Variants in PXDNL observed in about 807,000 individuals in gnomAD.
PXDNL encodes the protein peroxidasin like.
In PXDNL, 145 loss-of-function variants were observed where a neutral mutation model predicts 150.8. The ratio of observed to expected loss-of-function variants is 0.96; its 90% CI spans 0.84 to 1.10. PXDNL has a LOEUF of 1.10. PXDNL is among the 50% of genes least tolerant of loss of function. PXDNL has a pLI of 0.00. For missense variants in PXDNL, 2,087 were observed against 1,873.9 expected (o/e 1.11, Z -2.10); for synonymous variants, 757 against 725.7 (o/e 1.04, Z -0.69).
chr8:51,626,463 G>A (rs183330064), intron 2 of PXDNL, among the ~76,000 whole-genome samples: 2 of 152,142 alleles, frequency 1.3e-5, no homozygotes, highest in South Asian at 4.2e-4. Flanking sequence ...ACTTGCAGAG[G>A]GCCCCTTCTT....
intron 17 of PXDNL, among the ~76,000 whole-genome samples, chr8:51,405,017 AC>A (rs1310810851): frequency 1.3e-5 from 2 of 152,166 alleles, no homozygotes; most frequent in East Asian, 1.9e-4. Context: ...CAGCACCGGG[AC>A]CCAGCGCACC....
chr8:51,638,564 A>G (rs1814662341), intron 2 of PXDNL, among the ~76,000 whole-genome samples: 1 of 152,176 alleles, frequency 6.6e-6, no homozygotes, highest in African/African-American at 2.4e-5. Flanking sequence ...GTCTCTGATA[A>G]AACAGACTTT....
At chr8:51,671,645 T>C (rs1368368230) in intron 1 of PXDNL, among the ~76,000 whole-genome samples, 13 of 152,076 alleles carry the variant, frequency 8.5e-5, no homozygotes, top group Non-Finnish European at 1.8e-4. Flanking sequence ...CAGGCCCCTG[T>C]CTCTCCAGAC....
chr8:51,666,089 C>A (rs1207367064), intron 1 of PXDNL, among the ~76,000 whole-genome samples: 1 of 152,152 alleles, frequency 6.6e-6, no homozygotes, highest in South Asian at 2.1e-4. Context: ...GCAAGCTAAC[C>A]TCCTCCTTTA....
At chr8:51,397,722 G>A (rs1808126558) in intron 17 of PXDNL, among the ~76,000 whole-genome samples, 1 of 152,144 alleles carries the variant, frequency 6.6e-6, no homozygotes, top group African/African-American at 2.4e-5. Flanking sequence ...AAAGAGAGCT[G>A]CTGTGAACAC....
intron 19 of PXDNL, among the ~76,000 whole-genome samples, chr8:51,368,517 A>G (rs1407016255): frequency 6.6e-6 from 1 of 152,112 alleles, no homozygotes; most frequent in Non-Finnish European, 1.5e-5. Flanking sequence ...TTCGTGGGAA[A>G]CAAAAAATGA....
At chr8:51,712,000 T>A (rs1816511317) in intron 1 of PXDNL, among the ~76,000 whole-genome samples, 1 of 152,156 alleles carries the variant, frequency 6.6e-6, no homozygotes, top group African/African-American at 2.4e-5. Flanking sequence ...GAGATGGGAA[T>A]TCAGTCTCAA....
intron 1 of PXDNL, among the ~76,000 whole-genome samples, chr8:51,711,840 C>T (rs12675655): frequency 0.92 from 140,682 of 152,276 alleles, 65,937 homozygotes; most frequent in East Asian, 1. Flanking sequence ...CTGTCCTTAC[C>T]TTATTCTCAT....
rs182204096 is a variant in PXDNL, at chr8:51,750,824, G to T, written c.164+58357C>A. On this transcript the variant is annotated intron_variant, in intron 1 of 22. Coordinates refer to ENST00000356297, the MANE Select transcript of PXDNL (RefSeq NM_144651.5). ...GTATAGGAAGAAATAGTACATATAGGGTTCAGTACTATCCGCGGTTTCGGG... is the reference window on the plus strand; with the variant it reads ...GTATAGGAAGAAATAGTACATATAGTGTTCAGTACTATCCGCGGTTTCGGG... 2.0e-3 allele frequency among the ~76,000 whole-genome samples: 311 copies of T among 152,236 alleles called. 1 individual carries two copies. Among genetic ancestry groups the T allele is most frequent in the Middle Eastern group, 0.01 (3 of 294 alleles).
At chr8:51,701,497 A>G (rs1563511940) in intron 1 of PXDNL, among the ~76,000 whole-genome samples, 1 of 152,196 alleles carries the variant, frequency 6.6e-6, no homozygotes, top group Non-Finnish European at 1.5e-5. Flanking sequence ...TTTCAGGCCA[A>G]AAAATTACAG....
chr8:51,608,031 A>AAG (rs1554557504), intron 2 of PXDNL, among the ~76,000 whole-genome samples: 12 of 111,386 alleles, frequency 1.1e-4, no homozygotes, highest in Non-Finnish European at 2.2e-4. Context: ...GAAAGAAAGA[A>AAG]AGAAAGAAAG....
chr8:51,582,075 C>T (rs1046494445), intron 3 of PXDNL, among the ~76,000 whole-genome samples: 1 of 152,186 alleles, frequency 6.6e-6, no homozygotes, highest in Middle Eastern at 3.4e-3. Flanking sequence ...TCCTATGGAG[C>T]TATGGACTGA....
At chr8:51,556,723 T>C in intron 4 of PXDNL, 117 bp downstream of exon 4, 1 of 671,356 alleles carries the variant, frequency 1.5e-6, no homozygotes, top group Non-Finnish European at 2.7e-6. Flanking sequence ...ATTCAATCAT[T>C]CAAGCCACAT....
Position 51,475,135 on chromosome 8 carries a change from CAGACGCCTAGGCATGCAGGCA to C in PXDNL, c.525-15_530del, listed in dbSNP as rs750064231. The stretch of plus-strand genomic sequence containing the variant: ...AGTCACAAACCAGGGCGTTGGAATC[CAGACGCCTAGGCATGCAGGCA>C]AGAAGTACAACTGTTAAAAGGGACT... On this transcript the variant is annotated splice_acceptor_variant and splice_polypyrimidine_tract_variant and coding_sequence_variant and intron_variant, in exon 7 of 23. Transcript: ENST00000356297. LOFTEE classifies it high-confidence loss of function. The C allele has an allele frequency of 6.2e-7, 1 of 1,612,066 alleles. No homozygotes were observed. The highest frequency in any genetic ancestry group is 1.3e-5 in the African/African-American group (1 of 74,984).
At chr8:51,571,374 A>G (rs914197720) in intron 3 of PXDNL, among the ~76,000 whole-genome samples, 12 of 151,898 alleles carry the variant, frequency 7.9e-5, no homozygotes, top group Non-Finnish European at 1.5e-4. Context: ...ATATATTTAC[A>G]TAACAGATAT....
intron 1 of PXDNL, among the ~76,000 whole-genome samples, chr8:51,769,097 G>A (rs748340471): frequency 1.2e-4 from 19 of 152,278 alleles, no homozygotes; most frequent in Middle Eastern, 3.4e-3. Context: ...GCGAGACTCC[G>A]TCTCAAAAAA....
intron 3 of PXDNL, among the ~76,000 whole-genome samples, chr8:51,571,941 A>G (rs967613661): frequency 6.6e-6 from 1 of 151,862 alleles, no homozygotes; most frequent in African/African-American, 2.4e-5. Flanking sequence ...ATGACTATAG[A>G]TTATCCCTTA....
Position 51,589,774 on chromosome 8 carries a change from G to A in PXDNL, c.308+2853C>T, listed in dbSNP as rs571845979. 9.9e-4 allele frequency among the ~76,000 whole-genome samples: 150 copies of A among 152,276 alleles called. 1 individual carries two copies. The highest frequency in any genetic ancestry group is 8.2e-4 in the Non-Finnish European group (56 of 68,026). ...GAGAAGCTAGAGGAAAAAACTTAAA[G>A]ATGGAATTTATAATTAAAAGGTAAA... On this transcript the variant is annotated intron_variant, in intron 3 of 22. Transcript: ENST00000356297.
chr8:51,377,439 C>A (rs111666407), intron 17 of PXDNL, among the ~76,000 whole-genome samples: 1 of 152,176 alleles, frequency 6.6e-6, no homozygotes, highest in African/African-American at 2.4e-5. Context: ...CCTTTCAGCC[C>A]GCCGCCGCAC....
Sources: allele counts gnomAD v4.1 joint callset (sites outside exome capture counted in the v4.1 genomes callset), GRCh38; gene constraint gnomAD v4.1.1; transcripts MANE v1.5; gene names NCBI Gene and HGNC (gene_info 2026-07-23, HGNC 2026-07-21).